CEP120: variants seen among roughly 807,000 people sequenced by gnomAD.
CEP120 encodes centrosomal protein of 120 kDa.
A neutral mutation model predicts 126.5 loss-of-function variants in CEP120; 113 were observed. The ratio of observed to expected loss-of-function variants is 0.89; its 90% CI spans 0.77 to 1.04. CEP120 has a LOEUF of 1.04. Ranked by LOEUF, CEP120 falls within the 50% of genes least tolerant of loss-of-function variation. The probability of loss-of-function intolerance (pLI) is 0.00; values close to 1 mark genes in which losing one functional copy is unlikely to be tolerated. For synonymous variants in CEP120, 400 were observed against 394.3 expected, an observed-to-expected ratio of 1.01 and a Z score of -0.17; for missense variants, 1,230 against 1,155.7, an observed-to-expected ratio of 1.06 and a Z score of -0.93.
intron 17 of CEP120, among the ~76,000 whole-genome samples, chr5:123,365,506 T>C (rs1770392685): frequency 6.6e-6 from 1 of 151,700 alleles, no homozygotes; most frequent in South Asian, 2.1e-4. Flanking sequence ...GAAAATAAAA[T>C]GAAAGGAAAA....
intron 15 of CEP120, 65 bp from the exon 16 acceptor site, chr5:123,377,600 C>G: frequency 8.2e-7 from 1 of 1,224,712 alleles, no homozygotes; most frequent in Admixed American, 2.7e-5. Flanking sequence ...TTCGATATTC[C>G]AATATCTTTC....
Position 123,346,022 on chromosome 5 carries a change from G to C in CEP120, c.*497C>G, listed in dbSNP as rs1768789047. On this transcript the variant is annotated 3_prime_UTR_variant, in exon 20 of 20. Coordinates refer to ENST00000306467, the MANE Select transcript of CEP120 (RefSeq NM_001375405.1). ...GGCTTCTCTGCACTGATCTTGCTTT[G>C]TTTTCAAACTTGTCACTTGCAAATA... 1 of 153,508 alleles carries C rather than the reference G, an allele frequency of 6.5e-6. No individual in the cohort carries two copies. The highest frequency in any genetic ancestry group is 1.5e-5 in the Non-Finnish European group (1 of 68,720). 9.5% of individuals were successfully genotyped at this position (153,508 alleles called of 1,614,324 possible). A position where few individuals can be genotyped will look rare whatever the true frequency, so the allele number is the denominator to read the frequency against.
intron 5 of CEP120, 131 bp from the exon 6 acceptor site, chr5:123,393,628 T>A: frequency 1.4e-6 from 1 of 698,452 alleles, no homozygotes; most frequent in Non-Finnish European, 2.3e-6. Context: ...TCAAATAAAA[T>A]TTCTGAATTT....
At chr5:123,356,984 A>G (rs1370937751) in intron 18 of CEP120, among the ~76,000 whole-genome samples, 1 of 152,106 alleles carries the variant, frequency 6.6e-6, no homozygotes, top group Admixed American at 6.6e-5. Flanking sequence ...CAGATTTGCC[A>G]TGACAAATTC....
At chr5:123,392,911 G>A (rs184642463) in intron 6 of CEP120, among the ~76,000 whole-genome samples, 46 of 152,218 alleles carry the variant, frequency 3.0e-4, no homozygotes, top group African/African-American at 8.7e-4. Flanking sequence ...TGCTTTTAAC[G>A]GCAGTAAGGC....
intron 17 of CEP120, among the ~76,000 whole-genome samples, chr5:123,370,445 T>C (rs900829653): frequency 2.2e-4 from 33 of 151,896 alleles, no homozygotes; most frequent in African/African-American, 7.5e-4. Flanking sequence ...TTCCAAAACA[T>C]GGAAGTCTAT....
chr5:123,368,213 A>C (rs1370079379), intron 17 of CEP120, among the ~76,000 whole-genome samples: 1 of 152,054 alleles, frequency 6.6e-6, no homozygotes, highest in East Asian at 1.9e-4. Context: ...TACCTAGTCA[A>C]CCAGTCTGTA....
chr5:123,382,094 T>G lies in CEP120; in HGVS notation c.2103+17A>C. ...AATATTCTTCCTTCTCTTCCTCACT[T>G]TTACACAAGTTATTACCTTTTTCTT... On this transcript the variant is annotated intron_variant, in intron 14 of 19. Transcript: ENST00000306467. The G allele has an allele frequency of 6.6e-7, 1 of 1,518,474 alleles. No homozygotes were observed. The highest frequency in any genetic ancestry group is 9.1e-7 in the Non-Finnish European group (1 of 1,102,894). 94.1% of individuals were successfully genotyped at this position (1,518,474 alleles called of 1,614,324 possible).
Position 123,395,227 on chromosome 5 carries a change from A to T in CEP120, c.613-1730T>A, listed in dbSNP as rs573531654. 9.1e-4 allele frequency among the ~76,000 whole-genome samples: 138 copies of T among 152,248 alleles called. No individual in the cohort carries two copies. In the Middle Eastern group the frequency reaches 0.01, roughly 11 times the overall value. On this transcript the variant is annotated intron_variant, in intron 5 of 19. Transcript: ENST00000306467. ...TTTATTATCCTGATATTTAGAGACTACTTTTTTCCTACTCTTAACTTTCAG... is the reference window on the plus strand; with the variant it reads ...TTTATTATCCTGATATTTAGAGACTTCTTTTTTCCTACTCTTAACTTTCAG...
At chr5:123,422,924 G>A in intron 1 of CEP120, 26 bp downstream of exon 1, 1 of 1,610,080 alleles carries the variant, frequency 6.2e-7, no homozygotes, top group South Asian at 1.1e-5. Context: ...GGCAGCAGTT[G>A]CAAAAGCAAG....
chr5:123,358,974 T>G (rs1284706935), intron 18 of CEP120, among the ~76,000 whole-genome samples: 1 of 152,092 alleles, frequency 6.6e-6, no homozygotes. Context: ...AACCCAGAGC[T>G]GACAAGTCAG....
At chr5:123,372,513 C>A (rs1382073761) in intron 17 of CEP120, 137 bp downstream of exon 17, 2 of 853,430 alleles carry the variant, frequency 2.3e-6, no homozygotes, top group Non-Finnish European at 3.7e-6. Context: ...ATGTCACGTG[C>A]CTTTAATTCT....
In CEP120 at chr5:123,357,233, A is replaced by G. The variant is rs906333210; in HGVS notation, c.2581-7144T>C. Among the ~76,000 whole-genome samples, 29 of 151,922 alleles carry G rather than the reference A, an allele frequency of 1.9e-4. 1 individual carries two copies. Among genetic ancestry groups the G allele is most frequent in the Middle Eastern group, 3.2e-3 (1 of 316 alleles). On this transcript the variant is annotated intron_variant, in intron 18 of 19. Transcript: ENST00000306467. The stretch of plus-strand genomic sequence containing the variant: ...TAAGGTTTTTCTTTGCTTTTTGTCA[A>G]TTTTGCTGTGATGCATCTAGGTAGG...
rs1053264524 is a variant in CEP120 at position 123,391,175 on chromosome 5, G to A, written c.973C>T (p.Pro325Ser). Residue 325 changes from proline (P) to serine (S), a missense_variant, in exon 7 of 20, where the codon CCT becomes TCT. Coordinates refer to ENST00000306467, the MANE Select transcript of CEP120 (RefSeq NM_001375405.1). ...CCCACAGTTGGGGCTAGCTCCACAG[G>A]AATAGGTGCAAGCTTCTGTTTGGCT... is the stretch of plus-strand genomic sequence containing the variant. ...NRAKQKLAPI[P>S]VELAPTVGVS... 3 of 1,614,156 alleles carry A rather than the reference G, an allele frequency of 1.9e-6. No individual in the cohort carries two copies. The highest frequency in any genetic ancestry group is 1.7e-6 in the Non-Finnish European group (2 of 1,180,026).
In CEP120 at chr5:123,372,768, T is replaced by C. The variant is rs1268800291; in HGVS notation, c.2363A>G (p.Asn788Ser). 1.9e-6 allele frequency: 3 copies of C among 1,593,766 alleles called. No individual in the cohort carries two copies. Among genetic ancestry groups the C allele is most frequent in the Admixed American group, 1.8e-5 (1 of 55,964 alleles). ...AATCTTATACTTATTTTCAGCATCA[T>C]TAAGCTGTATTAAAAAAAGTTTAGC... The part of the protein sequence containing the change: ...EDKHRLQQQL[N>S]DAENKYKILE... The change falls in exon 17 of 20, where the codon AAT becomes AGT. Residue 788 changes from asparagine to serine, a missense_variant. By Grantham distance (46) the Asn-to-Ser change is conservative (BLOSUM62 1). Coordinates refer to ENST00000306467, the MANE Select transcript of CEP120 (RefSeq NM_001375405.1).
chr5:123,354,435 T>C lies in CEP120; in HGVS notation c.2581-4346A>G, dbSNP rs143706111. ...GGTTAGTTGTGTTGCCCAAATCTTC[T>C]ACATTATTACTTATTTTCGGTCTGT... On this transcript the variant is annotated intron_variant, in intron 18 of 19. Transcript: ENST00000306467. 4.0e-3 allele frequency among the ~76,000 whole-genome samples: 616 copies of C among 152,270 alleles called. 6 individuals carry two copies. Among genetic ancestry groups the C allele is most frequent in the African/African-American group, 0.014 (578 of 41,578 alleles).
intron 7 of CEP120, 28 bp downstream of exon 7, chr5:123,391,082 A>G: frequency 6.5e-7 from 1 of 1,549,944 alleles, no homozygotes; most frequent in Admixed American, 1.8e-5. Context: ...TAGTGAAGCC[A>G]GGGGAATGAA....
chr5:123,383,625 T>C (rs1430583039), intron 11 of CEP120, among the ~76,000 whole-genome samples: 1 of 152,104 alleles, frequency 6.6e-6, no homozygotes, highest in Non-Finnish European at 1.5e-5. Context: ...TGAATTCTTT[T>C]TTCTACTTTT....
At chr5:123,407,492 G>C (rs1004470782) in intron 4 of CEP120, among the ~76,000 whole-genome samples, 1 of 152,100 alleles carries the variant, frequency 6.6e-6, no homozygotes, top group Non-Finnish European at 1.5e-5. Context: ...GGGAAAGGAG[G>C]AATATTACAT....
Sources: allele counts gnomAD v4.1 joint callset (sites outside exome capture counted in the v4.1 genomes callset), GRCh38; gene constraint gnomAD v4.1.1; transcripts MANE v1.5; gene names NCBI Gene and HGNC (gene_info 2026-07-23, HGNC 2026-07-21).